Variants in PA2G4 observed in about 807,000 individuals in gnomAD.
PA2G4 encodes the protein proliferation-associated protein 2G4.
A neutral mutation model predicts 53.3 loss-of-function variants in PA2G4; 8 were observed. That is an observed-to-expected ratio of 0.15 (90% CI 0.09 to 0.27). PA2G4 has a LOEUF of 0.27. Among genes scored for constraint, PA2G4 ranks in the 10% least tolerant of loss-of-function variants. The pLI is 1.00. For synonymous variants in PA2G4, 143 were observed against 169.8 expected, an observed-to-expected ratio of 0.84 and a Z score of 1.23; for missense variants, 208 against 486.8, an observed-to-expected ratio of 0.43 and a Z score of 5.39.
intron 1 of PA2G4, 62 bp from the exon 2 acceptor site, chr12:56,106,524 TTC>T: frequency 6.9e-7 from 1 of 1,441,506 alleles, no homozygotes; most frequent in Non-Finnish European, 9.1e-7. Context: ...CTTCCAGGTA[TTC>T]CTTGGGTGGT....
intron 5 of PA2G4, among the ~76,000 whole-genome samples, chr12:56,108,667 G>C (rs1334254755): frequency 6.6e-6 from 1 of 152,206 alleles, no homozygotes; most frequent in Non-Finnish European, 1.5e-5. Flanking sequence ...GGTATTAAAT[G>C]CATTTTTGAC....
At chr12:56,109,149 T>G in intron 5 of PA2G4, 81 bp from the exon 6 acceptor site, 2 of 845,298 alleles carry the variant, frequency 2.4e-6, no homozygotes, top group Non-Finnish European at 1.9e-6. Context: ...AAACGCTCAG[T>G]TCTTTTATGC....
rs767481829 is a variant in PA2G4 at position 56,111,240 on chromosome 12, G to T, written c.996G>T (p.Arg332=). The change falls in exon 11 of 13, where the codon CGG becomes CGT. Residue 332 remains arginine, a synonymous_variant. Transcript: ENST00000303305. Reference sequence around the variant, plus strand: ...TGCTCATGCCCAATGGCCCCATGCGGATAACCAGTGGTCCCTTCGAGCCTG... The same window carrying T: ...TGCTCATGCCCAATGGCCCCATGCGTATAACCAGTGGTCCCTTCGAGCCTG... ...TVLLMPNGPM[R]ITSGPFEPDL... 5 of 1,614,060 alleles carry T rather than the reference G, an allele frequency of 3.1e-6. No individual in the cohort carries two copies. Among genetic ancestry groups the T allele is most frequent in the Non-Finnish European group, 3.4e-6 (4 of 1,180,038 alleles).
chr12:56,108,220 G>A (rs1869340734), intron 5 of PA2G4, among the ~76,000 whole-genome samples: 1 of 152,142 alleles, frequency 6.6e-6, no homozygotes, highest in Non-Finnish European at 1.5e-5. Context: ...GAAACATAGC[G>A]AGACCCGTCT....
rs544821951 is a variant in PA2G4, at chr12:56,110,815, T to C, written c.842+123T>C. The C allele has an allele frequency of 8.3e-6, 11 of 1,329,536 alleles. No individual in the cohort carries two copies. In the Admixed American group the frequency reaches 1.8e-4, roughly 22 times the overall value. The allele number at this position is 1,329,536 out of a possible 1,614,324, so 82.4% of individuals were successfully genotyped here. On this transcript the variant is annotated intron_variant, in intron 9 of 12. Transcript: ENST00000303305. ...CATGTGCTCACTCCCTCCCTCTCTC[T>C]CCCCATCTCCTTCTCATTGAAGGTA...
chr12:56,108,565 GTTAGATAA>G (rs1294196632), intron 5 of PA2G4, among the ~76,000 whole-genome samples: 1 of 152,202 alleles, frequency 6.6e-6, no homozygotes, highest in Non-Finnish European at 1.5e-5. Context: ...ATAGGCATGT[GTTAGATAA>G]TTCTGCCCAA....
chr12:56,111,620 A>T, intron 12 of PA2G4, 91 bp downstream of exon 12: 1 of 1,102,744 alleles, frequency 9.1e-7, no homozygotes, highest in South Asian at 1.3e-5. Context: ...ACGGATTTTT[A>T]TACAGATGCT....
intron 12 of PA2G4, among the ~76,000 whole-genome samples, chr12:56,112,378 G>A (rs1447214503): frequency 6.6e-6 from 1 of 152,118 alleles, no homozygotes. Context: ...TTGCTTTCAC[G>A]CCATTGTGAA....
In PA2G4 at chr12:56,113,285, CT is replaced by C; in HGVS notation, c.*398del. 5.8e-6 allele frequency: 1 copy of C among 171,716 alleles called. No individual in the cohort carries two copies. The highest frequency in any genetic ancestry group is 1.2e-5 in the Non-Finnish European group (1 of 81,502). 10.6% of individuals were successfully genotyped at this position (171,716 alleles called of 1,614,324 possible). A position where few individuals can be genotyped will look rare whatever the true frequency, so the allele number is the denominator to read the frequency against. On this transcript the variant is annotated 3_prime_UTR_variant, in exon 13 of 13. Coordinates refer to ENST00000303305, the MANE Select transcript of PA2G4 (RefSeq NM_006191.3). Reference sequence around the variant, plus strand: ...CTCAGCCGAATTTTTTTATACCACTCTGATGTCAGCATTTTTTCCATCTGTT... The same window carrying C: ...CTCAGCCGAATTTTTTTATACCACTCGATGTCAGCATTTTTTCCATCTGTT...
chr12:56,111,659 C>G, intron 12 of PA2G4, 130 bp downstream of exon 12: 1 of 715,966 alleles, frequency 1.4e-6, no homozygotes, highest in East Asian at 2.6e-5. Context: ...AACTTTGTCC[C>G]AGTAAACCCA....
chr12:56,111,101 A>G, intron 10 of PA2G4, 43 bp downstream of exon 10: 1 of 1,612,552 alleles, frequency 6.2e-7, no homozygotes, highest in South Asian at 1.1e-5. Context: ...CCTGATTATA[A>G]GATATCCTTC....
In PA2G4 at chr12:56,112,899, A is replaced by G; in HGVS notation, c.*11A>G. On this transcript the variant is annotated 3_prime_UTR_variant, in exon 13 of 13. Transcript: ENST00000303305. Reference sequence around the variant, plus strand: ...GAAGCTGGGGACTGAGGTGGGTCCCATCTCCCCAGCTTGCTGCTCCTGCCT... The same window carrying G: ...GAAGCTGGGGACTGAGGTGGGTCCCGTCTCCCCAGCTTGCTGCTCCTGCCT... 4.6e-6 allele frequency: 7 copies of G among 1,532,052 alleles called. No individual in the cohort carries two copies. The highest frequency in any genetic ancestry group is 6.1e-6 in the Non-Finnish European group (7 of 1,139,796). The allele number at this position is 1,532,052 out of a possible 1,614,324, so 94.9% of individuals were successfully genotyped here. A position where few individuals can be genotyped will look rare whatever the true frequency, so the allele number is the denominator to read the frequency against.
intron 4 of PA2G4, 89 bp downstream of exon 4, chr12:56,107,345 G>A (rs1288779454): frequency 5.2e-6 from 6 of 1,145,138 alleles, no homozygotes; most frequent in South Asian, 4.9e-5. Context: ...CAATCACCAC[G>A]TAAGTTGAGA....
intron 6 of PA2G4, 65 bp downstream of exon 6, chr12:56,109,358 G>T: frequency 8.2e-7 from 1 of 1,218,906 alleles, no homozygotes; most frequent in Non-Finnish European, 1.2e-6. Flanking sequence ...GGTGGCTCAC[G>T]CCTGTAATCC....
In PA2G4 at chr12:56,104,570, T is replaced by C. The variant is rs1325524994; in HGVS notation, c.-168T>C. 1 of 758,260 alleles carries C rather than the reference T, an allele frequency of 1.3e-6. No homozygotes were observed. The highest frequency in any genetic ancestry group is 2.6e-5 in the East Asian group (1 of 38,938). 47.0% of individuals were successfully genotyped at this position (758,260 alleles called of 1,614,324 possible). On this transcript the variant is annotated 5_prime_UTR_variant, in exon 1 of 13. Transcript: ENST00000303305. ...GTGCCCTGCGCCTCAGCCCGCGCGC[T>C]CGCAGCTTCTCGCTCTCGCCTGCCT...
intron 10 of PA2G4, 60 bp downstream of exon 10, chr12:56,111,118 G>T: frequency 2.5e-6 from 4 of 1,613,406 alleles, no homozygotes; most frequent in Non-Finnish European, 3.4e-6. Flanking sequence ...CTTCCTGTAA[G>T]TTCAGAAGAG....
chr12:56,105,296 CCTT>C (rs1233442461), intron 1 of PA2G4, among the ~76,000 whole-genome samples: 1 of 152,126 alleles, frequency 6.6e-6, no homozygotes, highest in East Asian at 1.9e-4. Context: ...TGGCTGGCCC[CCTT>C]CTTACTCCGC....
chr12:56,110,532 C>T, intron 8 of PA2G4, 27 bp from the exon 9 acceptor site: 1 of 1,614,002 alleles, frequency 6.2e-7, no homozygotes, highest in Middle Eastern at 1.6e-4. Context: ...TTCACCAGAC[C>T]AAATGTTACT....
Position 56,111,951 on chromosome 12 carries a change from C to A in PA2G4, c.1119+422C>A, listed in dbSNP as rs532352750. Among the ~76,000 whole-genome samples, 13 of 151,932 alleles carry A rather than the reference C, an allele frequency of 8.6e-5. No homozygotes were observed. In the South Asian group the frequency reaches 2.3e-3, roughly 27 times the overall value. ...AACACAGAGAGAAACCCCGTCTCTA[C>A]TAAAAATACAAAATTAGCTGGGTGT... On this transcript the variant is annotated intron_variant, in intron 12 of 12. Transcript: ENST00000303305.
Sources: gnomAD v4.1 joint callset for allele counts (sites outside exome capture counted in the v4.1 genomes callset) on GRCh38, gnomAD v4.1.1 for gene constraint, MANE v1.5 for transcripts, NCBI Gene and HGNC (gene_info 2026-07-23, HGNC 2026-07-21) for gene names.